The following PHYKPL variants were observed in gnomAD, a reference collection of about 807,000 sequenced individuals.
PHYKPL encodes 5-phosphohydroxy-L-lysine phospho-lyase, also known as 5-phosphonooxy-L-lysine phospho-lyase.
In PHYKPL, 42 loss-of-function variants were observed where a neutral mutation model predicts 51.3. That is an observed-to-expected ratio of 0.82 (90% CI 0.64 to 1.06). PHYKPL has a LOEUF of 1.06. PHYKPL is among the 50% of genes least tolerant of loss of function. The pLI is 0.00. For synonymous variants in PHYKPL, 264 were observed against 236.0 expected, an observed-to-expected ratio of 1.12 and a Z score of -1.09; for missense variants, 655 against 586.6, an observed-to-expected ratio of 1.12 and a Z score of -1.20.
At chr5:178,209,315 C>T (rs756887503) in intron 12 of PHYKPL, 2 of 1,610,364 alleles carry the variant, frequency 1.2e-6, no homozygotes, top group African/African-American at 1.3e-5. Flanking sequence ...TGACCACTGT[C>T]CTCTTGACTT....
chr5:178,209,988 C>T (rs967369127), intron 12 of PHYKPL: 3 of 1,060,312 alleles, frequency 2.8e-6, no homozygotes, highest in African/African-American at 2.4e-5. Context: ...GGCCCAGGGC[C>T]CTTATACACC....
At chr5:178,225,139 G>A (rs1374906684) in intron 4 of PHYKPL, 22 of 597,056 alleles carry the variant, frequency 3.7e-5, no homozygotes, top group South Asian at 6.1e-5. Flanking sequence ...CTTACAAAGC[G>A]CACTCTGCTC....
At chr5:178,231,554 T>G in intron 1 of PHYKPL, 31 bp from the exon 2 acceptor site, 1 of 1,613,982 alleles carries the variant, frequency 6.2e-7, no homozygotes. Flanking sequence ...TGGACAGCCA[T>G]GTCTGAAGAC....
At chr5:178,226,212 A>T (rs907690455) in intron 3 of PHYKPL, 5 of 151,266 alleles carry the variant, frequency 3.3e-5, no homozygotes, top group Middle Eastern at 3.4e-3. Flanking sequence ...AGTAGCTGGG[A>T]TTACAGGCGC....
At chr5:178,231,902 G>A (rs1164059279) in intron 1 of PHYKPL, 3 of 1,306,294 alleles carry the variant, frequency 2.3e-6, no homozygotes, top group South Asian at 1.2e-5. Flanking sequence ...AACATTAGGT[G>A]CCTGGCTCTC....
At chr5:178,225,935 T>G (rs1487938433) in intron 3 of PHYKPL, 1 of 159,326 alleles carries the variant, frequency 6.3e-6, no homozygotes, top group Non-Finnish European at 1.4e-5. Context: ...CAGTAGCAAG[T>G]CTGGGCCTCT....
At position 178,231,684 on chromosome 5, in the gene PHYKPL, C is replaced by T. The variant is rs549912296; in HGVS notation, c.60-161G>A. On this transcript the variant is annotated intron_variant, in intron 1 of 12. Transcript: ENST00000308158. ...GCTTCCCTGCCTTGTCTCTCCACTCCACAGGTGGTTGCAAAGCAGGAAGCA... is the reference window on the plus strand; with the variant it reads ...GCTTCCCTGCCTTGTCTCTCCACTCTACAGGTGGTTGCAAAGCAGGAAGCA... 5.0e-5 allele frequency: 79 copies of T among 1,568,712 alleles called. 2 individuals are homozygous for T. The highest frequency in any genetic ancestry group is 3.5e-4 in the South Asian group (30 of 86,806).
At chr5:178,209,283 C>G (rs1757420024) in intron 12 of PHYKPL, 2 of 1,472,548 alleles carry the variant, frequency 1.4e-6, no homozygotes, top group Non-Finnish European at 1.9e-6. Flanking sequence ...GCAGTCACTG[C>G]CCTGAGTTTG....
In PHYKPL at chr5:178,224,523, G is replaced by C. The variant is rs1224932878; in HGVS notation, c.543C>G (p.Asp181Glu). ...PDTYRGPYRE[D>E]HPNPAMAYAN... Reference sequence around the variant, plus strand: ...CATAGGCCATAGCTGGGTTGGGGTGGTCCTCCCGGTAGGGGCCCCGGTAGG... The same window carrying C: ...CATAGGCCATAGCTGGGTTGGGGTGCTCCTCCCGGTAGGGGCCCCGGTAGG... Residue 181 changes from aspartate (D) to glutamate (E), a missense_variant, in exon 6 of 13, where the codon GAC becomes GAG. Coordinates refer to ENST00000308158, the MANE Select transcript of PHYKPL (RefSeq NM_153373.4). 1.2e-6 allele frequency: 2 copies of C among 1,613,908 alleles called. No individual in the cohort carries two copies. The highest frequency in any genetic ancestry group is 2.7e-5 in the African/African-American group (2 of 74,944).
rs1341015285 is a variant in PHYKPL, at chr5:178,225,407, G to T, written c.361C>A (p.Leu121Met). 6.2e-7 allele frequency: 1 copy of T among 1,613,988 alleles called. No homozygotes were observed. The highest frequency in any genetic ancestry group is 2.2e-5 in the East Asian group (1 of 44,876). Reference sequence around the variant, plus strand: ...CCCGTGTAGTGGCGAGCCAGCCTCAGGGCCAGGTCATTGGCTTCTGACCTA... The same window carrying T: ...CCCGTGTAGTGGCGAGCCAGCCTCATGGCCAGGTCATTGGCTTCTGACCTA... ...NSGSEANDLA[L>M]RLARHYTGHQ... Residue 121 changes from leucine to methionine, a missense_variant, in exon 4 of 13, where the codon CTG becomes ATG. Leu to Met is a conservative substitution (Grantham distance 15, BLOSUM62 2). Transcript: ENST00000308158.
intron 1 of PHYKPL, 37 bp downstream of exon 1, chr5:178,232,455 C>G: frequency 7.3e-7 from 1 of 1,375,600 alleles, no homozygotes; most frequent in Non-Finnish European, 9.3e-7. Context: ...CTCCGCGCAG[C>G]CCCGCGCCCC....
chr5:178,219,746 G>A lies in PHYKPL; in HGVS notation c.927+2609C>T, dbSNP rs941387401. On this transcript the variant is annotated intron_variant, in intron 8 of 12. Coordinates refer to ENST00000308158, the MANE Select transcript of PHYKPL (RefSeq NM_153373.4). ...ATTACAGGCGTGAGCCACCGCACCCGACCACAAATGGGCATTTCATTGAAG... is the reference window on the plus strand; with the variant it reads ...ATTACAGGCGTGAGCCACCGCACCCAACCACAAATGGGCATTTCATTGAAG... 4.7e-5 allele frequency among the ~76,000 whole-genome samples: 7 copies of A among 149,092 alleles called. No homozygotes were observed. The East Asian group carries it at 1.3e-3, about 27-fold the overall frequency.
intron 6 of PHYKPL, 85 bp downstream of exon 6, chr5:178,224,363 G>A (rs1319889261): frequency 7.2e-6 from 10 of 1,381,084 alleles, no homozygotes; most frequent in Non-Finnish European, 9.8e-6. Flanking sequence ...TTTTCTCTCT[G>A]GGTTCCCAGC....
rs1475179274 is a variant in PHYKPL, at chr5:178,208,528, G to A, written c.*419C>T. 1.3e-5 allele frequency: 2 copies of A among 152,168 alleles called. No homozygotes were observed. Among genetic ancestry groups the A allele is most frequent in the East Asian group, 1.9e-4 (1 of 5,198 alleles). The allele number at this position is 152,168 out of a possible 1,614,324, so 9.4% of individuals were successfully genotyped here. Reference sequence around the variant, plus strand: ...ATATTCAGTATTTTTAATTTAGTAGGATAGAATATATCAGATTGCATTATT... The same window carrying A: ...ATATTCAGTATTTTTAATTTAGTAGAATAGAATATATCAGATTGCATTATT... On this transcript the variant is annotated 3_prime_UTR_variant, in exon 13 of 13. Coordinates refer to ENST00000308158, the MANE Select transcript of PHYKPL (RefSeq NM_153373.4).
chr5:178,232,061 A>T, intron 1 of PHYKPL: 1 of 1,173,496 alleles, frequency 8.5e-7, no homozygotes, highest in Non-Finnish European at 1.1e-6. Flanking sequence ...GACTCCCCCG[A>T]CTCTCCCTTG....
At chr5:178,216,793 T>A (rs1759887762) in intron 8 of PHYKPL, 1 of 152,252 alleles carries the variant, frequency 6.6e-6, no homozygotes, top group Non-Finnish European at 1.5e-5. Flanking sequence ...CCCAGCACTT[T>A]GGGAGGCCAA....
intron 4 of PHYKPL, chr5:178,225,110 T>C: frequency 1.7e-6 from 1 of 583,612 alleles, no homozygotes; most frequent in Non-Finnish European, 3.1e-6. Context: ...TACAATGTTG[T>C]GGGACCACCT....
chr5:178,209,233 T>C, intron 12 of PHYKPL: 4 of 969,018 alleles, frequency 4.1e-6, no homozygotes, highest in East Asian at 2.4e-5. Context: ...CAAATGGACC[T>C]GATCCACCAT....
intron 8 of PHYKPL, among the ~76,000 whole-genome samples, chr5:178,222,139 C>T (rs1761287328): frequency 6.6e-6 from 1 of 152,208 alleles, no homozygotes; most frequent in African/African-American, 2.4e-5. Flanking sequence ...TTTTATAAGA[C>T]ATGGTCCCTT....
Sources: allele counts gnomAD v4.1 joint callset (sites outside exome capture counted in the v4.1 genomes callset), GRCh38; gene constraint gnomAD v4.1.1; transcripts MANE v1.5; gene names NCBI Gene and HGNC (gene_info 2026-07-23, HGNC 2026-07-21).